The following RHOU variants were observed in gnomAD, a reference collection of about 807,000 sequenced individuals.
RHOU encodes ras homolog family member U.
RHOU carries 8 observed loss-of-function variants against 12.6 expected under a neutral mutation model. The ratio of observed to expected loss-of-function variants is 0.64; its 90% CI spans 0.37 to 1.15. The LOEUF (loss-of-function observed/expected upper bound fraction) is 1.15, where lower values mean the gene tolerates loss of function less well. Ranked by LOEUF, RHOU falls within the 50% of genes most tolerant of loss-of-function variation. RHOU has a pLI of 0.01. For missense variants in RHOU, 258 were observed against 347.0 expected, an observed-to-expected ratio of 0.74 and a Z score of 2.04; for synonymous variants, 161 against 147.4, an observed-to-expected ratio of 1.09 and a Z score of -0.67.
At chr1:228,730,068 A>AT in the RHOU span, among the ~76,000 whole-genome samples, 13 of 151,292 alleles carry the variant, frequency 8.6e-5, no homozygotes, top group African/African-American at 2.7e-4. Flanking sequence ...TTTCCTTGTC[A>AT]TTTTTTTTTC....
At chr1:228,675,769 A>G in the RHOU span, among the ~76,000 whole-genome samples, 1 of 152,246 alleles carries the variant, frequency 6.6e-6, no homozygotes, top group African/African-American at 2.4e-5. Flanking sequence ...ATGATTTTAT[A>G]TTCAGAGATC....
At chr1:228,696,986 TG>T in the RHOU span, among the ~76,000 whole-genome samples, 202 of 152,194 alleles carry the variant, frequency 1.3e-3, no homozygotes, top group African/African-American at 4.8e-3. Flanking sequence ...CCCTGAAGTT[TG>T]AATTCCGAGG....
At chr1:228,742,093 C>T (rs989952200) in intron 2 of RHOU, among the ~76,000 whole-genome samples, 6 of 152,036 alleles carry the variant, frequency 3.9e-5, no homozygotes, top group South Asian at 2.1e-4. Context: ...ACATGAATGG[C>T]GTTGAACTTT....
At chr1:228,671,443 G>A in the RHOU span, among the ~76,000 whole-genome samples, 1 of 151,904 alleles carries the variant, frequency 6.6e-6, no homozygotes, top group Non-Finnish European at 1.5e-5. Context: ...TCGGCCGGGG[G>A]TGGTGGGTCA....
chr1:228,707,372 C>T, the RHOU span, among the ~76,000 whole-genome samples: 4 of 147,736 alleles, frequency 2.7e-5, no homozygotes, highest in South Asian at 2.2e-4. Flanking sequence ...CAGCTCCCAG[C>T]GTGAGCGACA....
chr1:228,710,694 A>T, the RHOU span, among the ~76,000 whole-genome samples: 1 of 150,510 alleles, frequency 6.6e-6, no homozygotes, highest in African/African-American at 2.4e-5. Context: ...ACAAACCCAC[A>T]GCCAATATCA....
the RHOU span, among the ~76,000 whole-genome samples, chr1:228,722,692 A>C: frequency 6.7e-6 from 1 of 150,046 alleles, no homozygotes; most frequent in Non-Finnish European, 1.5e-5. Flanking sequence ...GCGCGATCTC[A>C]GCTCACTGCA....
upstream of RHOU, chr1:228,735,099 G>A (rs1389889992): frequency 6.6e-6 from 1 of 152,322 alleles, no homozygotes; most frequent in Non-Finnish European, 1.5e-5. This position sits in a 1 kb window ranked among gnomAD's most constrained non-coding sequence, Gnocchi z 8.1. Context: ...GTGAATAGGA[G>A]GCGGCTCAGG....
chr1:228,646,588 G>T, the RHOU span, among the ~76,000 whole-genome samples: 8 of 130,216 alleles, frequency 6.1e-5, no homozygotes, highest in African/African-American at 2.4e-4. Flanking sequence ...ACCCGGCCGG[G>T]GGGGCAAGAG....
the RHOU span, among the ~76,000 whole-genome samples, chr1:228,719,215 G>C: frequency 6.6e-6 from 1 of 152,230 alleles, no homozygotes; most frequent in Non-Finnish European, 1.5e-5. Context: ...TCCATTGGTT[G>C]ATCAATCCAT....
chr1:228,655,753 C>T, the RHOU span, among the ~76,000 whole-genome samples: 1 of 152,210 alleles, frequency 6.6e-6, no homozygotes, highest in African/African-American at 2.4e-5. Context: ...GTGATGCTTT[C>T]AAAGAACAAT....
chr1:228,705,109 T>C, the RHOU span, among the ~76,000 whole-genome samples: 1 of 151,776 alleles, frequency 6.6e-6, no homozygotes, highest in East Asian at 1.9e-4. Context: ...GCCAAGAGTT[T>C]TTTTTTTTTT....
At chr1:228,660,183 G>A in the RHOU span, among the ~76,000 whole-genome samples, 1 of 151,618 alleles carries the variant, frequency 6.6e-6, no homozygotes, top group South Asian at 2.1e-4. Flanking sequence ...TTGTAAGAGA[G>A]TGCTAAGAAC....
Position 228,735,571 on chromosome 1 carries a change from C to G in RHOU, c.-172C>G. 2.5e-6 allele frequency: 1 copy of G among 395,406 alleles called. No homozygotes were observed. Among genetic ancestry groups the G allele is most frequent in the Non-Finnish European group, 4.0e-6 (1 of 248,122 alleles). The allele number at this position is 395,406 out of a possible 1,614,324, so 24.5% of individuals were successfully genotyped here. On this transcript the variant is annotated 5_prime_UTR_variant, in exon 1 of 3. Transcript: ENST00000366691. The surrounding 1 kb of genome is among the most constrained non-coding windows in gnomAD (Gnocchi z 8.1). The stretch of plus-strand genomic sequence containing the variant: ...CGCCGGAGCGCGGAGCCACGACCCT[C>G]CCTGGCCGCCTTTGTCTACTGGCCG...
chr1:228,676,036 C>T, the RHOU span, among the ~76,000 whole-genome samples: 1 of 152,112 alleles, frequency 6.6e-6, no homozygotes, highest in East Asian at 1.9e-4. Flanking sequence ...CATGTTATGG[C>T]TACTTGGTTT....
At chr1:228,674,964 C>T in the RHOU span, among the ~76,000 whole-genome samples, 1 of 150,964 alleles carries the variant, frequency 6.6e-6, no homozygotes, top group Admixed American at 6.6e-5. Context: ...CTCCTGACCT[C>T]GTGATCCGCC....
At chr1:228,693,644 T>A in the RHOU span, among the ~76,000 whole-genome samples, 1 of 152,132 alleles carries the variant, frequency 6.6e-6, no homozygotes, top group African/African-American at 2.4e-5. Context: ...TTTTTTGTAT[T>A]TTCAGTAGAG....
the RHOU span, among the ~76,000 whole-genome samples, chr1:228,722,151 C>G: frequency 1.6e-4 from 24 of 152,212 alleles, no homozygotes; most frequent in African/African-American, 5.1e-4. Flanking sequence ...GGGTACATGG[C>G]TAACTGTGGT....
At chr1:228,665,385 A>G in the RHOU span, among the ~76,000 whole-genome samples, 1 of 152,214 alleles carries the variant, frequency 6.6e-6, no homozygotes, top group Non-Finnish European at 1.5e-5. Flanking sequence ...GAGAGGCTCT[A>G]GCTGCTCTAC....
Sources: allele counts gnomAD v4.1 joint callset (sites outside exome capture counted in the v4.1 genomes callset), GRCh38; gene constraint gnomAD v4.1.1; non-coding constraint Gnocchi (gnomAD v3.1); transcripts MANE v1.5; gene names NCBI Gene and HGNC (gene_info 2026-07-23, HGNC 2026-07-21).